EBF1: variants seen among roughly 807,000 people sequenced by gnomAD.
The protein encoded by EBF1 is transcription factor COE1.
In EBF1, 10 loss-of-function variants were observed where a neutral mutation model predicts 68.4. That is an observed-to-expected ratio of 0.15 (90% CI 0.09 to 0.25). EBF1 has a LOEUF of 0.25. Ranked by LOEUF, EBF1 falls within the 10% of genes least tolerant of loss-of-function variation. The pLI is 1.00. For missense variants in EBF1, 509 were observed against 794.4 expected (o/e 0.64, Z 4.32); for synonymous variants, 298 against 299.8 (o/e 0.99, Z 0.06).
intron 9 of EBF1, among the ~76,000 whole-genome samples, chr5:158,795,578 G>A (rs1454722100): frequency 1.3e-5 from 2 of 152,156 alleles, no homozygotes; most frequent in Non-Finnish European, 2.9e-5. Context: ...GAGAGTGCTC[G>A]GAGCATGCTG....
At chr5:159,094,322 T>A (rs1439429212) in intron 4 of EBF1, among the ~76,000 whole-genome samples, 1 of 151,882 alleles carries the variant, frequency 6.6e-6, no homozygotes, top group Non-Finnish European at 1.5e-5. Flanking sequence ...AACAGATTTT[T>A]AAGAAAGCCA....
chr5:158,954,496 T>A (rs1359048920), intron 6 of EBF1, among the ~76,000 whole-genome samples: 1 of 152,264 alleles, frequency 6.6e-6, no homozygotes. Context: ...AATGAATTGT[T>A]CTTAGGGTGC....
chr5:159,083,023 C>T (rs1779994049), intron 5 of EBF1, among the ~76,000 whole-genome samples: 1 of 152,126 alleles, frequency 6.6e-6, no homozygotes, highest in Admixed American at 6.5e-5. Context: ...TTAAATGTTT[C>T]AAGAATAGAA....
intron 6 of EBF1, among the ~76,000 whole-genome samples, chr5:159,023,472 G>C (rs1293815198): frequency 1.3e-5 from 2 of 152,102 alleles, no homozygotes; most frequent in African/African-American, 4.8e-5. Context: ...TTGTCCCTGT[G>C]CCTCATACTG....
intron 6 of EBF1, among the ~76,000 whole-genome samples, chr5:158,971,034 G>A (rs78303925): frequency 2.2e-4 from 33 of 152,310 alleles, no homozygotes; most frequent in African/African-American, 7.7e-4. Flanking sequence ...CTGGTAGCAT[G>A]GAGGTGAAGA....
intron 6 of EBF1, among the ~76,000 whole-genome samples, chr5:158,942,677 G>T (rs1001396243): frequency 7.2e-5 from 11 of 152,032 alleles, no homozygotes; most frequent in Non-Finnish European, 1.6e-4. Flanking sequence ...TACTAAAGTG[G>T]TCTTTAAGAA....
At chr5:159,053,283 T>G (rs1469859610) in intron 6 of EBF1, among the ~76,000 whole-genome samples, 10 of 152,146 alleles carry the variant, frequency 6.6e-5, no homozygotes. Context: ...GCACATAGAA[T>G]TGCTGTAAGG....
chr5:158,838,463 GAAAGA>G (rs1432526957), intron 7 of EBF1, among the ~76,000 whole-genome samples: 1 of 129,002 alleles, frequency 7.8e-6, no homozygotes, highest in Non-Finnish European at 1.7e-5. Flanking sequence ...AAAAAAAAAC[GAAAGA>G]AAAGAAAAAA....
At chr5:158,797,743 GCA>G in intron 8 of EBF1, among the ~76,000 whole-genome samples, 1 of 152,248 alleles carries the variant, frequency 6.6e-6, no homozygotes, top group East Asian at 1.9e-4. Context: ...TTAAAAATTT[GCA>G]CAGAGAAATT....
At chr5:158,755,429 GTTCATCCT>G (rs1361920311) in intron 10 of EBF1, among the ~76,000 whole-genome samples, 2 of 152,014 alleles carry the variant, frequency 1.3e-5, no homozygotes, top group Admixed American at 1.3e-4. Context: ...CCTGCCTCCT[GTTCATCCT>G]TGCTCTGCAC....
chr5:158,956,812 G>T (rs920369890), intron 6 of EBF1, among the ~76,000 whole-genome samples: 63 of 143,002 alleles, frequency 4.4e-4, no homozygotes, highest in Non-Finnish European at 8.1e-4. Context: ...AGGCTGGAGT[G>T]CAGTGGCGCG....
chr5:158,863,027 A>T (rs934510802), intron 6 of EBF1, among the ~76,000 whole-genome samples: 2 of 152,202 alleles, frequency 1.3e-5, no homozygotes, highest in African/African-American at 2.4e-5. Flanking sequence ...TCACTGTCAC[A>T]TGGCATAAAG....
intron 10 of EBF1, among the ~76,000 whole-genome samples, chr5:158,735,822 C>A (rs1416243175): frequency 6.6e-6 from 1 of 152,222 alleles, no homozygotes; most frequent in Non-Finnish European, 1.5e-5. Flanking sequence ...CAGCAACTTT[C>A]TATTCCAACC....
intron 6 of EBF1, among the ~76,000 whole-genome samples, chr5:158,880,399 A>G (rs1244986064): frequency 2.0e-5 from 3 of 152,228 alleles, no homozygotes; most frequent in Non-Finnish European, 4.4e-5. Flanking sequence ...GGAAGAAAGA[A>G]AATTTCGAAA....
At position 158,869,106 on chromosome 5, in the gene EBF1, G is replaced by A. The variant is rs79826369; in HGVS notation, c.555-28996C>T. On this transcript the variant is annotated intron_variant, in intron 6 of 15. Transcript: ENST00000313708. ...AAGGCACTTGGTTTAGGGTGTGTAC[G>A]TGTGTGTATGTGTGTAAAAGTAAGG... is the stretch of plus-strand genomic sequence containing the variant. 2.3e-3 allele frequency among the ~76,000 whole-genome samples: 343 copies of A among 152,288 alleles called. 4 individuals are homozygous for A. In the East Asian group the frequency reaches 0.026, roughly 11 times the overall value.
At chr5:159,096,028 A>G (rs934306114) in intron 3 of EBF1, among the ~76,000 whole-genome samples, 2 of 152,222 alleles carry the variant, frequency 1.3e-5, no homozygotes, top group Non-Finnish European at 2.9e-5. Flanking sequence ...CCTAAGCCCA[A>G]GGGGCCATGG....
chr5:158,990,999 C>T (rs930462382), intron 6 of EBF1, among the ~76,000 whole-genome samples: 1 of 152,196 alleles, frequency 6.6e-6, no homozygotes, highest in Non-Finnish European at 1.5e-5. Context: ...ATAGGACCTG[C>T]TCAATGTCTC....
intron 6 of EBF1, among the ~76,000 whole-genome samples, chr5:158,937,286 A>T (rs1812223584): frequency 6.6e-6 from 1 of 152,136 alleles, no homozygotes; most frequent in South Asian, 2.1e-4. Context: ...GGTCTTCCAT[A>T]TAAAATATTA....
At chr5:159,059,195 G>A (rs1423187357) in intron 6 of EBF1, among the ~76,000 whole-genome samples, 1 of 152,124 alleles carries the variant, frequency 6.6e-6, no homozygotes, top group Non-Finnish European at 1.5e-5. Flanking sequence ...AAAAGAGCTG[G>A]TAAGAAGAGA....
Sources: allele counts gnomAD v4.1 joint callset (sites outside exome capture counted in the v4.1 genomes callset), GRCh38; gene constraint gnomAD v4.1.1; transcripts MANE v1.5; gene names NCBI Gene and HGNC (gene_info 2026-07-23, HGNC 2026-07-21).